MTMR7: variants seen among roughly 807,000 people sequenced by gnomAD.
MTMR7 encodes the protein myotubularin related protein 7.
MTMR7 carries 76 observed loss-of-function variants against 81.2 expected under a neutral mutation model. That is an observed-to-expected ratio of 0.94 (90% CI 0.78 to 1.13). The LOEUF is 1.13. Ranked by LOEUF, MTMR7 falls within the 50% of genes most tolerant of loss-of-function variation. The pLI, the probability that MTMR7 is intolerant of heterozygous loss-of-function variation, is 0.00. For missense variants in MTMR7, 1,044 were observed against 820.0 expected (o/e 1.27, Z -3.34); for synonymous variants, 372 against 289.8 (o/e 1.28, Z -2.88).
chr8:17,305,744 C>T lies in MTMR7; in HGVS notation c.1352+13G>A, dbSNP rs765300243. ...AAATAAAAGTTAAACACCAAAAACA[C>T]CAAAACACTTACTTGAGTTCTCGTC... On this transcript the variant is annotated intron_variant, in intron 11 of 13. Coordinates refer to ENST00000180173, the MANE Select transcript of MTMR7 (RefSeq NM_004686.5). 17 of 1,595,700 alleles carry T rather than the reference C, an allele frequency of 1.1e-5. No individual in the cohort carries two copies. Among genetic ancestry groups the T allele is most frequent in the Non-Finnish European group, 1.4e-5 (16 of 1,166,308 alleles).
Position 17,371,129 on chromosome 8 carries a change from C to A in MTMR7, c.218G>T (p.Arg73Leu). Residue 73 changes from arginine (R) to leucine (L), a missense_variant, in exon 3 of 14, where the codon CGC becomes CTC. Physicochemically the swap from Arg to Leu is moderately radical, Grantham distance 102. Coordinates refer to ENST00000180173, the MANE Select transcript of MTMR7 (RefSeq NM_004686.5). ...TTATGCPLLI[R>L]CKNFQIIQLI... is the part of the protein sequence containing the mutation. ...CTGTATTATCTGAAAGTTCTTGCAG[C>A]GAATCAGCAGAGGGCATCCGGTAGC... 1 of 1,614,152 alleles carries A rather than the reference C, an allele frequency of 6.2e-7. No homozygotes were observed. Among genetic ancestry groups the A allele is most frequent in the South Asian group, 1.1e-5 (1 of 91,076 alleles).
At chr8:17,400,193 G>C (rs1429317628) in intron 1 of MTMR7, among the ~76,000 whole-genome samples, 2 of 152,142 alleles carry the variant, frequency 1.3e-5, no homozygotes, top group Non-Finnish European at 2.9e-5. Context: ...AGTACCGATA[G>C]TACTGATAAA....
chr8:17,331,100 A>G (rs747542812), intron 7 of MTMR7, 50 bp downstream of exon 7: 1 of 1,575,686 alleles, frequency 6.3e-7, no homozygotes, highest in South Asian at 1.2e-5. Flanking sequence ...CCCTTTTGGC[A>G]TCAAAATACT....
chr8:17,404,655 G>T (rs773744829), intron 1 of MTMR7, among the ~76,000 whole-genome samples: 1 of 151,810 alleles, frequency 6.6e-6, no homozygotes, highest in Non-Finnish European at 1.5e-5. Flanking sequence ...CAATCCTAGA[G>T]GAAAACATAC....
chr8:17,386,356 C>T (rs962536015), intron 1 of MTMR7, among the ~76,000 whole-genome samples: 2 of 152,184 alleles, frequency 1.3e-5, no homozygotes, highest in African/African-American at 4.8e-5. Context: ...GCAGGCTGGG[C>T]AGCAGAGTGA....
chr8:17,311,555 T>A lies in MTMR7; in HGVS notation c.1057A>T (p.Ser353Cys). 1 of 1,613,986 alleles carries A rather than the reference T, an allele frequency of 6.2e-7. No individual in the cohort carries two copies. The highest frequency in any genetic ancestry group is 1.6e-4 in the Middle Eastern group (1 of 6,062). ...DRTAQVCSVASLLLDPHYRTL... is the reference protein window; with the variant it reads ...DRTAQVCSVACLLLDPHYRTL... Reference sequence around the variant, plus strand: ...CGGTAGTGAGGGTCCAGCAGCAGGCTTGCCACCGAGCACACCTGAGCGGTC... The same window carrying A: ...CGGTAGTGAGGGTCCAGCAGCAGGCATGCCACCGAGCACACCTGAGCGGTC... Residue 353 changes from serine (S) to cysteine (C), a missense_variant, in exon 9 of 14, where the codon AGC (serine) becomes TGC (cysteine). By Grantham distance (112) the Ser-to-Cys change is moderately radical. Coordinates refer to ENST00000180173, the MANE Select transcript of MTMR7 (RefSeq NM_004686.5).
chr8:17,394,391 T>C (rs1008562270), intron 1 of MTMR7, among the ~76,000 whole-genome samples: 1 of 152,208 alleles, frequency 6.6e-6, no homozygotes, highest in Non-Finnish European at 1.5e-5. Flanking sequence ...TGATATATGC[T>C]ACAACACGGA....
chr8:17,383,265 G>A (rs1820818388), intron 1 of MTMR7, among the ~76,000 whole-genome samples: 2 of 152,144 alleles, frequency 1.3e-5, no homozygotes, highest in East Asian at 3.9e-4. Context: ...TGGCAAAGGA[G>A]GCAGCGTAAC....
intron 1 of MTMR7, among the ~76,000 whole-genome samples, chr8:17,405,086 A>T (rs931037470): frequency 2.9e-4 from 44 of 152,372 alleles, no homozygotes; most frequent in African/African-American, 1.0e-3. Context: ...TTCTGACCTC[A>T]AACGATCCGT....
intron 7 of MTMR7, among the ~76,000 whole-genome samples, chr8:17,314,442 T>C (rs941742635): frequency 6.6e-5 from 10 of 152,174 alleles, no homozygotes; most frequent in Non-Finnish European, 1.0e-4. Flanking sequence ...GGAAGGTGTA[T>C]AAATTATATC....
At chr8:17,353,736 G>A (rs1022580144) in intron 4 of MTMR7, among the ~76,000 whole-genome samples, 3 of 152,216 alleles carry the variant, frequency 2.0e-5, no homozygotes, top group African/African-American at 7.2e-5. Flanking sequence ...AAGTGGATTA[G>A]TCAGTTAATC....
intron 1 of MTMR7, among the ~76,000 whole-genome samples, chr8:17,376,099 C>G (rs552268483): frequency 6.6e-6 from 1 of 152,228 alleles, no homozygotes; most frequent in South Asian, 2.1e-4. Context: ...CCACTCCGGC[C>G]CTAAAAAAAT....
rs768894211 is a variant in MTMR7, at chr8:17,299,768, C to G, written c.*94G>C. ...CATTAAAGTAGTTCTCAATGACATG[C>G]ACCATTTCCTGTTTTTACAATAAAC... On this transcript the variant is annotated 3_prime_UTR_variant, in exon 14 of 14. Transcript: ENST00000180173. The G allele has an allele frequency of 1.4e-4, 208 of 1,517,108 alleles. No homozygotes were observed. Among genetic ancestry groups the G allele is most frequent in the Non-Finnish European group, 1.6e-4 (174 of 1,121,908 alleles). The allele number at this position is 1,517,108 out of a possible 1,614,324, so 94.0% of individuals were successfully genotyped here.
At chr8:17,316,971 T>C (rs1037427675) in intron 7 of MTMR7, among the ~76,000 whole-genome samples, 3 of 152,218 alleles carry the variant, frequency 2.0e-5, no homozygotes, top group Middle Eastern at 3.2e-3. Flanking sequence ...ACCAGTAGGT[T>C]GGGAAAGTTC....
intron 12 of MTMR7, 60 bp from the exon 13 acceptor site, chr8:17,302,340 T>G (rs1463640570): frequency 6.4e-7 from 1 of 1,551,478 alleles, no homozygotes; most frequent in Non-Finnish European, 8.7e-7. Flanking sequence ...ATTCACATCC[T>G]CAAGTCTTCT....
chr8:17,321,800 G>A (rs1034117103), intron 7 of MTMR7, among the ~76,000 whole-genome samples: 5 of 152,166 alleles, frequency 3.3e-5, no homozygotes, highest in Non-Finnish European at 7.3e-5. Flanking sequence ...CCCAGGTCTA[G>A]TGATATTTGT....
At chr8:17,386,232 G>C (rs1193150179) in intron 1 of MTMR7, among the ~76,000 whole-genome samples, 3 of 152,232 alleles carry the variant, frequency 2.0e-5, no homozygotes, top group Admixed American at 1.3e-4. Context: ...TTAAAAATTA[G>C]CCAAGCATGG....
At chr8:17,309,382 C>T (rs906182863) in intron 9 of MTMR7, 56 bp from the exon 10 acceptor site, 86 of 1,175,102 alleles carry the variant, frequency 7.3e-5, no homozygotes, top group Non-Finnish European at 1.0e-4. Flanking sequence ...AATAAGAGAC[C>T]ACACAACCAA....
intron 8 of MTMR7, among the ~76,000 whole-genome samples, chr8:17,312,419 AC>A (rs1817833183): frequency 6.6e-6 from 1 of 152,088 alleles, no homozygotes; most frequent in Non-Finnish European, 1.5e-5. Context: ...TACTAAAAAT[AC>A]AAAAATTAGC....
Sources: allele counts gnomAD v4.1 joint callset (sites outside exome capture counted in the v4.1 genomes callset), GRCh38; gene constraint gnomAD v4.1.1; transcripts MANE v1.5; gene names NCBI Gene and HGNC (gene_info 2026-07-23, HGNC 2026-07-21).